AKAP13: variants seen among roughly 807,000 people sequenced by gnomAD.
The protein encoded by AKAP13 is A-kinase anchor protein 13.
Under a neutral mutation model 264.5 loss-of-function variants are expected in AKAP13, and 80 were observed. The observed-to-expected ratio is 0.30, with a 90% CI of 0.25 to 0.36. The LOEUF (loss-of-function observed/expected upper bound fraction) is 0.36, where lower values mean the gene tolerates loss of function less well. Among genes scored for constraint, AKAP13 ranks in the 10% least tolerant of loss-of-function variants. The pLI, the probability that AKAP13 is intolerant of heterozygous loss-of-function variation, is 1.00. For synonymous variants in AKAP13, 1,380 were observed against 1,250.2 expected, an observed-to-expected ratio of 1.10 and a Z score of -2.19; for missense variants, 3,712 against 3,435.2, an observed-to-expected ratio of 1.08 and a Z score of -2.01.
intron 8 of AKAP13, chr15:85,619,954 A>T (rs767170661): frequency 7.6e-6 from 11 of 1,452,714 alleles, no homozygotes; most frequent in Non-Finnish European, 8.1e-6. Flanking sequence ...TGAGAGTTTT[A>T]ATAGAGAGGA....
chr15:85,484,993 GGGTGTTT>G (rs2075486516), intron 1 of AKAP13, among the ~76,000 whole-genome samples: 1 of 152,150 alleles, frequency 6.6e-6, no homozygotes, highest in African/African-American at 2.4e-5. Flanking sequence ...CTCAAACTCA[GGGTGTTT>G]GGTAAAGGAC....
intron 10 of AKAP13, among the ~76,000 whole-genome samples, chr15:85,653,537 C>A (rs1396796603): frequency 6.6e-6 from 1 of 152,172 alleles, no homozygotes; most frequent in East Asian, 1.9e-4. Context: ...AGGAAGGGTG[C>A]TTTTAGAAGG....
intron 7 of AKAP13, among the ~76,000 whole-genome samples, chr15:85,584,838 A>G (rs2079272963): frequency 1.3e-5 from 2 of 152,216 alleles, no homozygotes; most frequent in South Asian, 4.1e-4. Flanking sequence ...CCACAGATGC[A>G]TTTCCACATG....
At position 85,745,652 on chromosome 15, in the gene AKAP13, G is replaced by C. The variant is rs1172406269; in HGVS notation, c.*975G>C. 6.6e-6 allele frequency: 1 copy of C among 152,218 alleles called. No homozygotes were observed. Among genetic ancestry groups the C allele is most frequent in the East Asian group, 1.9e-4 (1 of 5,192 alleles). 9.4% of individuals were successfully genotyped at this position (152,218 alleles called of 1,614,324 possible). On this transcript the variant is annotated 3_prime_UTR_variant, in exon 37 of 37. Coordinates refer to ENST00000394518, the MANE Select transcript of AKAP13 (RefSeq NM_007200.5). ...CCCAGACAGCAGCTGTCTGGCCCTT[G>C]CTGGGTGAGGGCACACCACTGCCAG...
At chr15:85,570,075 C>CA (rs141206000) in intron 5 of AKAP13, among the ~76,000 whole-genome samples, 4,331 of 83,378 alleles carry the variant, frequency 0.052, 461 homozygotes, top group African/African-American at 0.18. Context: ...GACTCCGTCT[C>CA]AAAAAAAAAA....
At chr15:85,462,809 G>C (rs2074567377) in intron 1 of AKAP13, among the ~76,000 whole-genome samples, 1 of 151,728 alleles carries the variant, frequency 6.6e-6, no homozygotes, top group South Asian at 2.1e-4. Context: ...CGGATCACGA[G>C]GTCAGGAGAT....
chr15:85,419,022 T>TAACC (rs2072383982), intron 1 of AKAP13, among the ~76,000 whole-genome samples: 1 of 152,204 alleles, frequency 6.6e-6, no homozygotes, highest in Non-Finnish European at 1.5e-5. Flanking sequence ...ATGCCACCCT[T>TAACC]AAGGGTTTAA....
At chr15:85,576,599 C>T (rs750169081) in intron 6 of AKAP13, among the ~76,000 whole-genome samples, 1 of 152,170 alleles carries the variant, frequency 6.6e-6, no homozygotes, top group Non-Finnish European at 1.5e-5. Context: ...ATTTGGAAAC[C>T]ACTGGACAGT....
At chr15:85,650,773 A>T (rs939717151) in intron 10 of AKAP13, among the ~76,000 whole-genome samples, 1 of 143,142 alleles carries the variant, frequency 7.0e-6, no homozygotes, top group African/African-American at 2.6e-5. Context: ...AAAAAAAAAA[A>T]AAAAAAAAAA....
intron 8 of AKAP13, among the ~76,000 whole-genome samples, chr15:85,590,582 T>C (rs576157407): frequency 3.6e-4 from 55 of 152,352 alleles, no homozygotes; most frequent in African/African-American, 1.3e-3. Flanking sequence ...AACACAGGTA[T>C]GTGTTAAATG....
At position 85,593,780 on chromosome 15, in the gene AKAP13, A is replaced by G. The variant is rs1192343051; in HGVS notation, c.4161+7957A>G. Among the ~76,000 whole-genome samples, 5 of 122,168 alleles carry G rather than the reference A, an allele frequency of 4.1e-5. No individual in the cohort carries two copies. In the Admixed American group the frequency reaches 4.3e-4, roughly 10 times the overall value. The allele number at this position is 122,168 out of a possible 152,430, so 80.1% of individuals were successfully genotyped here. A position where few individuals can be genotyped will look rare whatever the true frequency, so the allele number is the denominator to read the frequency against. ...AGTCTTACCACTCTTTCTGTCTACTACTTACACTCATTTCTCTTTTGTTCA... is the reference window on the plus strand; with the variant it reads ...AGTCTTACCACTCTTTCTGTCTACTGCTTACACTCATTTCTCTTTTGTTCA... On this transcript the variant is annotated intron_variant, in intron 8 of 36. Transcript: ENST00000394518.
chr15:85,468,065 A>G (rs1488529719), intron 1 of AKAP13, among the ~76,000 whole-genome samples: 6 of 152,252 alleles, frequency 3.9e-5, no homozygotes, highest in Admixed American at 3.9e-4. Flanking sequence ...GGTGGTTCTT[A>G]AACTCTTTCT....
chr15:85,644,693 C>CAAA (rs1161365911), intron 9 of AKAP13, among the ~76,000 whole-genome samples: 126 of 103,878 alleles, frequency 1.2e-3, no homozygotes, highest in Non-Finnish European at 1.9e-3. Context: ...ACTAAAAATA[C>CAAA]AAAAAAAAAA....
intron 5 of AKAP13, among the ~76,000 whole-genome samples, chr15:85,567,940 A>G (rs1411711845): frequency 2.2e-5 from 2 of 92,950 alleles, no homozygotes; most frequent in African/African-American, 8.4e-5. Flanking sequence ...TAGCCCAAAG[A>G]GGTGTGTGTG....
chr15:85,677,500 A>G (rs999140846), intron 14 of AKAP13, among the ~76,000 whole-genome samples: 2 of 152,184 alleles, frequency 1.3e-5, no homozygotes, highest in African/African-American at 4.8e-5. Flanking sequence ...ACAGATATCT[A>G]GATGTTCATC....
intron 2 of AKAP13, among the ~76,000 whole-genome samples, chr15:85,516,800 C>T (rs1439613661): frequency 6.6e-6 from 1 of 152,150 alleles, no homozygotes; most frequent in Admixed American, 6.5e-5. Context: ...CACCACATTA[C>T]GAATACAGAT....
chr15:85,572,623 A>G (rs989060567), intron 5 of AKAP13, among the ~76,000 whole-genome samples: 1 of 151,944 alleles, frequency 6.6e-6, no homozygotes, highest in African/African-American at 2.4e-5. Flanking sequence ...CCAGTACATG[A>G]TTTTCCATTG....
intron 23 of AKAP13, among the ~76,000 whole-genome samples, chr15:85,720,689 G>A (rs1280027538): frequency 6.6e-6 from 1 of 152,210 alleles, no homozygotes; most frequent in East Asian, 1.9e-4. Context: ...TGTAGAAGCA[G>A]AGGCTTAATT....
At chr15:85,498,325 G>A (rs1022677716) in intron 2 of AKAP13, among the ~76,000 whole-genome samples, 2 of 151,746 alleles carry the variant, frequency 1.3e-5, no homozygotes, top group Non-Finnish European at 2.9e-5. Flanking sequence ...AAGTTACATT[G>A]TGTGGCTTCG....
Sources: allele counts gnomAD v4.1 joint callset (sites outside exome capture counted in the v4.1 genomes callset), GRCh38; gene constraint gnomAD v4.1.1; transcripts MANE v1.5; gene names NCBI Gene and HGNC (gene_info 2026-07-23, HGNC 2026-07-21).